SLC25A48: variants seen among roughly 807,000 people sequenced by gnomAD.
SLC25A48 encodes solute carrier family 25 member 48.
In SLC25A48, 29 loss-of-function variants were observed where a neutral mutation model predicts 32.2. The observed-to-expected ratio is 0.90, with a 90% CI of 0.67 to 1.23. SLC25A48 has a LOEUF of 1.23. Among genes scored for constraint, SLC25A48 ranks in the 50% most tolerant of loss-of-function variants. SLC25A48 has a pLI of 0.00. For missense variants in SLC25A48, 399 were observed against 422.7 expected, an observed-to-expected ratio of 0.94 and a Z score of 0.49; for synonymous variants, 164 against 172.3, an observed-to-expected ratio of 0.95 and a Z score of 0.38.
chr5:135,759,800 G>C (rs760450422), intron 3 of SLC25A48, among the ~76,000 whole-genome samples: 9 of 151,346 alleles, frequency 5.9e-5, no homozygotes, highest in Non-Finnish European at 1.3e-4. Context: ...ATTGAAGAGC[G>C]TGTGTATTTT....
chr5:135,733,766 C>G (rs956936991), intron 3 of SLC25A48, among the ~76,000 whole-genome samples: 1 of 151,966 alleles, frequency 6.6e-6, no homozygotes, highest in African/African-American at 2.4e-5. Flanking sequence ...TTAGGGAGAG[C>G]TAGTGTGGGA....
chr5:135,702,299 G>A (rs1296920651), intron 3 of SLC25A48, among the ~76,000 whole-genome samples: 1 of 152,218 alleles, frequency 6.6e-6, no homozygotes, highest in African/African-American at 2.4e-5. Context: ...GGTTAGGGTA[G>A]GCCCTATATC....
Position 135,723,398 on chromosome 5 carries a change from AC to A in SLC25A48, c.-521+88443del, listed in dbSNP as rs1561463911. On this transcript the variant is annotated intron_variant, in intron 3 of 10. Transcript: ENST00000646290. Reference sequence around the variant, plus strand: ...CTCTCTCTCACACACACACACACACACACACACACACACACAATGGGGAGGG... The same window carrying A: ...CTCTCTCTCACACACACACACACACAACACACACACACACAATGGGGAGGG... Among the ~76,000 whole-genome samples the A allele has an allele frequency of 1.1e-3, 169 of 150,884 alleles. 2 individuals are homozygous for A. The highest frequency in any genetic ancestry group is 5.7e-3 in the South Asian group (27 of 4,714).
intron 3 of SLC25A48, among the ~76,000 whole-genome samples, chr5:135,768,773 T>G (rs1194934891): frequency 6.6e-6 from 1 of 151,786 alleles, no homozygotes. Context: ...TCGCTGGGCT[T>G]GTACAACCCC....
chr5:135,770,105 T>C (rs546558601), intron 3 of SLC25A48, among the ~76,000 whole-genome samples: 1 of 151,576 alleles, frequency 6.6e-6, no homozygotes, highest in Non-Finnish European at 1.5e-5. Flanking sequence ...ACAATGATAT[T>C]ATTCCTAATA....
intron 1 of SLC25A48, among the ~76,000 whole-genome samples, chr5:135,612,261 A>G (rs1752090904): frequency 6.6e-6 from 1 of 152,214 alleles, no homozygotes; most frequent in Non-Finnish European, 1.5e-5. Flanking sequence ...TTTCTAATTG[A>G]TGCCTACTAT....
At chr5:135,805,594 G>T (rs1757444930) in intron 3 of SLC25A48, among the ~76,000 whole-genome samples, 1 of 151,470 alleles carries the variant, frequency 6.6e-6, no homozygotes, top group Admixed American at 6.6e-5. Context: ...ATCGCAGTAT[G>T]TGTACACACT....
chr5:135,625,109 G>A (rs974368601), intron 1 of SLC25A48, among the ~76,000 whole-genome samples: 2 of 152,122 alleles, frequency 1.3e-5, no homozygotes, highest in African/African-American at 2.4e-5. Context: ...AGAAGAAGGA[G>A]CGGTTTCCCT....
chr5:135,750,182 G>A (rs1225186054), intron 3 of SLC25A48, among the ~76,000 whole-genome samples: 1 of 152,166 alleles, frequency 6.6e-6, no homozygotes, highest in Non-Finnish European at 1.5e-5. Context: ...TTGACCCCTG[G>A]GCTAAGAACT....
At chr5:135,705,926 G>T (rs1246963305) in intron 3 of SLC25A48, among the ~76,000 whole-genome samples, 1 of 152,158 alleles carries the variant, frequency 6.6e-6, no homozygotes, top group Non-Finnish European at 1.5e-5. Flanking sequence ...GGGTGAGCTG[G>T]CCTGGCTGGA....
At chr5:135,635,190 C>G (rs1752670516) in intron 3 of SLC25A48, among the ~76,000 whole-genome samples, 1 of 152,150 alleles carries the variant, frequency 6.6e-6, no homozygotes, top group South Asian at 2.1e-4. Context: ...GTGTGGAATC[C>G]AGGGCTATTC....
intron 2 of SLC25A48, among the ~76,000 whole-genome samples, chr5:135,843,874 G>T (rs1759204936): frequency 6.6e-6 from 1 of 152,174 alleles, no homozygotes; most frequent in African/African-American, 2.4e-5. Flanking sequence ...TGTGCTAGGG[G>T]CCTTGCTGCG....
At chr5:135,844,615 A>G (rs1245996858) in intron 2 of SLC25A48, among the ~76,000 whole-genome samples, 1 of 152,218 alleles carries the variant, frequency 6.6e-6, no homozygotes, top group Non-Finnish European at 1.5e-5. Context: ...TAAGATTATA[A>G]GCATTGTTTC....
At chr5:135,664,383 G>A (rs1308568253) in intron 3 of SLC25A48, among the ~76,000 whole-genome samples, 1 of 152,144 alleles carries the variant, frequency 6.6e-6, no homozygotes. Flanking sequence ...CATTCCAGTG[G>A]TGAGCATGGA....
At chr5:135,769,294 G>A (rs546111402) in intron 3 of SLC25A48, among the ~76,000 whole-genome samples, 1 of 151,240 alleles carries the variant, frequency 6.6e-6, no homozygotes, top group South Asian at 2.1e-4. Context: ...CAGCATCACG[G>A]GTGGTGTACA....
At chr5:135,761,137 CTAAAAA>C (rs1188843867) in intron 3 of SLC25A48, among the ~76,000 whole-genome samples, 4 of 151,914 alleles carry the variant, frequency 2.6e-5, no homozygotes, top group African/African-American at 4.8e-5. Context: ...CCCCCCATCT[CTAAAAA>C]TAAAAATAAA....
At chr5:135,733,606 C>T (rs532647256) in intron 3 of SLC25A48, among the ~76,000 whole-genome samples, 38 of 152,248 alleles carry the variant, frequency 2.5e-4, no homozygotes, top group African/African-American at 7.0e-4. Context: ...CAGCGGCAGC[C>T]GCCACATGCA....
At chr5:135,729,513 C>T (rs1350505793) in intron 3 of SLC25A48, among the ~76,000 whole-genome samples, 1 of 152,106 alleles carries the variant, frequency 6.6e-6, no homozygotes, top group Non-Finnish European at 1.5e-5. Flanking sequence ...CATTTTTAAA[C>T]CAAGGGTCAT....
At chr5:135,872,852 A>G (rs1761767932) in intron 5 of SLC25A48, 1 of 152,356 alleles carries the variant, frequency 6.6e-6, no homozygotes, top group Non-Finnish European at 1.5e-5. Flanking sequence ...TAGCAGACAT[A>G]TAACGAAGCT....
Sources: allele counts gnomAD v4.1 joint callset (sites outside exome capture counted in the v4.1 genomes callset), GRCh38; gene constraint gnomAD v4.1.1; transcripts MANE v1.5; gene names NCBI Gene and HGNC (gene_info 2026-07-23, HGNC 2026-07-21).